ARHGEF17: variants seen among roughly 807,000 people sequenced by gnomAD.
ARHGEF17 encodes the protein Rho guanine nucleotide exchange factor 17, also known as 164 kDa Rho-specific guanine-nucleotide exchange factor.
ARHGEF17 carries 80 observed loss-of-function variants against 174.0 expected under a neutral mutation model. That is an observed-to-expected ratio of 0.46 (90% CI 0.38 to 0.55). The LOEUF (loss-of-function observed/expected upper bound fraction) is 0.55. Ranked by LOEUF, ARHGEF17 falls within the 20% of genes least tolerant of loss-of-function variation. The pLI is 0.00. For synonymous variants in ARHGEF17, 1,311 were observed against 1,189.1 expected (o/e 1.10, Z -2.11); for missense variants, 2,886 against 2,839.7 (o/e 1.02, Z -0.37).
intron 1 of ARHGEF17, among the ~76,000 whole-genome samples, chr11:73,322,465 T>C (rs1000123884): frequency 6.6e-6 from 1 of 152,234 alleles, no homozygotes; most frequent in African/African-American, 2.4e-5. Flanking sequence ...CACACAGTAG[T>C]GGACTAGAGC....
chr11:73,362,700 G>A lies in ARHGEF17; in HGVS notation c.4962G>A (p.Gln1654=), dbSNP rs769077461. The change falls in exon 14 of 21, where the codon CAG becomes CAA. Residue 1654 remains glutamine (Q), a synonymous_variant. Transcript: ENST00000263674. ...GCCCCTCGGGGACGCTGCAGAGCCA[G>A]GCCAGCCGGTCCACCATCTCCTCCA... is the stretch of plus-strand genomic sequence containing the variant. The part of the protein sequence containing the change: ...SPSPSGTLQS[Q]ASRSTISSSF... 17 of 1,606,970 alleles carry A rather than the reference G, an allele frequency of 1.1e-5. No homozygotes were observed. The highest frequency in any genetic ancestry group is 1.4e-5 in the Non-Finnish European group (17 of 1,177,924).
chr11:73,360,182 T>C lies in ARHGEF17; in HGVS notation c.4207-138T>C, dbSNP rs965863211. ...GGTGACAGAGGCCCCATCCCCCATA[T>C]ATCAAAGGAATCCAGGTCTGAGGGA... On this transcript the variant is annotated intron_variant, in intron 10 of 20. Transcript: ENST00000263674. The C allele has an allele frequency of 1.4e-5, 14 of 1,010,752 alleles. No homozygotes were observed. The African/African-American group carries it at 1.9e-4, about 14-fold the overall frequency. 62.6% of individuals were successfully genotyped at this position (1,010,752 alleles called of 1,614,324 possible). A position where few individuals can be genotyped will look rare whatever the true frequency, so the allele number is the denominator to read the frequency against.
intron 3 of ARHGEF17, 85 bp from the exon 4 acceptor site, chr11:73,355,448 G>T: frequency 1.2e-6 from 1 of 825,928 alleles, no homozygotes; most frequent in South Asian, 1.5e-5. Flanking sequence ...AAAAGATGGT[G>T]ACTCATGAAT....
chr11:73,322,170 C>T (rs542867563), intron 1 of ARHGEF17, among the ~76,000 whole-genome samples: 18 of 152,174 alleles, frequency 1.2e-4, no homozygotes, highest in South Asian at 2.1e-4. Context: ...ATAAAGGTCC[C>T]GATAGCTCCA....
chr11:73,367,565 T>A lies in ARHGEF17; in HGVS notation c.5996-19T>A, dbSNP rs56914296. 8.0e-4 allele frequency: 1,285 copies of A among 1,598,330 alleles called. 7 individuals carry two copies. The African/African-American group carries it at 0.014, about 18-fold the overall frequency. ...CTCCATTCGCCCCCAAGCTGACAGA[T>A]CCTCCCCTCTGCCCCCAGGCCCCGA... On this transcript the variant is annotated intron_variant, in intron 20 of 20. Coordinates refer to ENST00000263674, the MANE Select transcript of ARHGEF17 (RefSeq NM_014786.4).
At chr11:73,353,793 A>G (rs907620576) in intron 3 of ARHGEF17, among the ~76,000 whole-genome samples, 3 of 152,244 alleles carry the variant, frequency 2.0e-5, no homozygotes. Flanking sequence ...CAAAAAGAAC[A>G]TCGAAAGCAA....
chr11:73,356,491 C>A, intron 6 of ARHGEF17, 140 bp downstream of exon 6: 2 of 1,227,096 alleles, frequency 1.6e-6, no homozygotes, highest in Non-Finnish European at 2.3e-6. Context: ...TCCATGTCTG[C>A]CAGCCTCTGT....
intron 1 of ARHGEF17, among the ~76,000 whole-genome samples, chr11:73,337,476 T>C (rs1865305327): frequency 6.6e-6 from 1 of 152,022 alleles, no homozygotes; most frequent in Non-Finnish European, 1.5e-5. Flanking sequence ...TGAAGATGAT[T>C]ATGAGGAAAA....
Position 73,360,411 on chromosome 11 carries a change from C to T in ARHGEF17, c.4298C>T (p.Pro1433Leu), listed in dbSNP as rs775746696. 11 of 1,613,912 alleles carry T rather than the reference C, an allele frequency of 6.8e-6. No individual in the cohort carries two copies. The South Asian group carries it at 9.9e-5, about 14-fold the overall frequency. ...QALCYALSFP[P>L]TKLELCATRP... ...CTGTGCTACGCGCTTTCCTTCCCGCCAACCAAGCTGGAGCTGTGCGCCACT... is the reference window on the plus strand; with the variant it reads ...CTGTGCTACGCGCTTTCCTTCCCGCTAACCAAGCTGGAGCTGTGCGCCACT... The change falls in exon 11 of 21, where the codon CCA becomes CTA. Residue 1433 changes from proline (P) to leucine (L), a missense_variant. Coordinates refer to ENST00000263674, the MANE Select transcript of ARHGEF17 (RefSeq NM_014786.4).
rs200051892 is a variant in ARHGEF17, at chr11:73,309,052, C to T, written c.414C>T (p.Ser138=). ...EMRKLFGGPG[S]RRPSADSESP... is the part of the protein sequence containing the mutation. ...GCAAGCTCTTCGGCGGTCCTGGCTC[C>T]AGGAGGCCCAGCGCCGACTCTGAAT... The change falls in exon 1 of 21, where the codon TCC becomes TCT. Residue 138 remains serine (S), a synonymous_variant. Transcript: ENST00000263674. 5.4e-6 allele frequency: 8 copies of T among 1,486,800 alleles called. No individual in the cohort carries two copies. Among genetic ancestry groups the T allele is most frequent in the East Asian group, 5.7e-5 (2 of 35,316 alleles). The allele number at this position is 1,486,800 out of a possible 1,614,324, so 92.1% of individuals were successfully genotyped here.
chr11:73,346,257 C>A (rs184945081), intron 1 of ARHGEF17, among the ~76,000 whole-genome samples: 2 of 152,164 alleles, frequency 1.3e-5, no homozygotes, highest in Non-Finnish European at 2.9e-5. Flanking sequence ...CAGTGCCTGG[C>A]GCATAGGAGG....
At position 73,358,453 on chromosome 11, in the gene ARHGEF17, C is replaced by CTTTT. The variant is rs1172357794; in HGVS notation, c.4087+1146_4087+1149dup. Among the ~76,000 whole-genome samples, 127 of 93,272 alleles carry CTTTT rather than the reference C, an allele frequency of 1.4e-3. 1 individual carries two copies. The highest frequency in any genetic ancestry group is 2.9e-3 in the African/African-American group (59 of 20,290). 61.2% of individuals were successfully genotyped at this position (93,272 alleles called of 152,430 possible). A position where few individuals can be genotyped will look rare whatever the true frequency, so the allele number is the denominator to read the frequency against. On this transcript the variant is annotated intron_variant, in intron 9 of 20. Coordinates refer to ENST00000263674, the MANE Select transcript of ARHGEF17 (RefSeq NM_014786.4). Reference sequence around the variant, plus strand: ...CAGGTCACCTCCCAAAGGTCCGCCTCTTTTTTTTTTTTTTTTTTTTTTTGA... The same window carrying CTTTT: ...CAGGTCACCTCCCAAAGGTCCGCCTCTTTTTTTTTTTTTTTTTTTTTTTTTTTGA...
chr11:73,320,066 A>T (rs1864991166), intron 1 of ARHGEF17, among the ~76,000 whole-genome samples: 3 of 141,950 alleles, frequency 2.1e-5, no homozygotes. Context: ...CTGAGAGCCC[A>T]GCGGCAGAAG....
chr11:73,360,393 A>G lies in ARHGEF17; in HGVS notation c.4280A>G (p.Tyr1427Cys), dbSNP rs749048965. ...CTGTCGGAGAAGCAGGCGCTGTGCT[A>G]CGCGCTTTCCTTCCCGCCAACCAAG... is the stretch of plus-strand genomic sequence containing the variant. The part of the protein sequence containing the change: ...RDLSEKQALC[Y>C]ALSFPPTKLE... The change falls in exon 11 of 21, where the codon TAC becomes TGC. Residue 1427 changes from tyrosine (Y) to cysteine (C), a missense_variant. Tyr to Cys is a radical substitution (Grantham distance 194, BLOSUM62 -2). Around this residue, in one of 4 missense-constraint regions of ARHGEF17, gnomAD observed 476 missense variants for 473.1 expected, o/e 1.01. Coordinates refer to ENST00000263674, the MANE Select transcript of ARHGEF17 (RefSeq NM_014786.4). The G allele has an allele frequency of 3.7e-6, 6 of 1,613,886 alleles. No individual in the cohort carries two copies. The South Asian group carries it at 4.4e-5, about 12-fold the overall frequency.
Position 73,367,713 on chromosome 11 carries a change from G to C in ARHGEF17, c.6125G>C (p.Gly2042Ala). 1 of 1,614,134 alleles carries C rather than the reference G, an allele frequency of 6.2e-7. No homozygotes were observed. Among genetic ancestry groups the C allele is most frequent in the Non-Finnish European group, 8.5e-7 (1 of 1,180,020 alleles). ...GYEDFRLSSGGGSSSETVGRD... is the reference protein window; with the variant it reads ...GYEDFRLSSGAGSSSETVGRD... ...GAGGACTTCCGACTCAGCAGTGGGG[G>C]CGGCAGCAGCAGTGAGACTGTGGGT... The change falls in exon 21 of 21, where the codon GGC becomes GCC. Residue 2042 changes from glycine (G) to alanine (A), a missense_variant. Gly to Ala is a moderately conservative substitution (Grantham distance 60, BLOSUM62 0). Around this residue, in one of 4 missense-constraint regions of ARHGEF17, gnomAD observed 329 missense variants for 435.2 expected, o/e 0.76. Coordinates refer to ENST00000263674, the MANE Select transcript of ARHGEF17 (RefSeq NM_014786.4).
chr11:73,367,956 A>G lies in ARHGEF17; in HGVS notation c.*176A>G. The G allele has an allele frequency of 1.5e-6, 1 of 665,210 alleles. No homozygotes were observed. Among genetic ancestry groups the G allele is most frequent in the East Asian group, 2.8e-5 (1 of 35,198 alleles). The allele number at this position is 665,210 out of a possible 1,614,324, so 41.2% of individuals were successfully genotyped here. A position where few individuals can be genotyped will look rare whatever the true frequency, so the allele number is the denominator to read the frequency against. On this transcript the variant is annotated 3_prime_UTR_variant, in exon 21 of 21. Transcript: ENST00000263674. ...CTGATGGAACACCCACTGGCCAGCC[A>G]GGCCATGGCTTCTCCCGACCCTCTG...
Position 73,362,230 on chromosome 11 carries a change from G to A in ARHGEF17, c.4685G>A (p.Arg1562His), listed in dbSNP as rs970897906. The A allele has an allele frequency of 4.6e-5, 71 of 1,537,544 alleles. No individual in the cohort carries two copies. Among genetic ancestry groups the A allele is most frequent in the Non-Finnish European group, 6.2e-5 (71 of 1,146,560 alleles). The change falls in exon 13 of 21, where the codon CGC becomes CAC. Residue 1562 changes from arginine (R) to histidine (H), a missense_variant. Transcript: ENST00000263674. ...CIGAVPGLQP[R>H]CHREPPPSLR... ...GGGGCGGTGCCCGGGCTGCAGCCTC[G>A]CTGCCACCGGTGAGGCCTGGGCGGC...
chr11:73,321,546 G>A lies in ARHGEF17; in HGVS notation c.3192+9716G>A, dbSNP rs535474511. ...ACTCTGAGCCTTAGTTTACTGCTCT[G>A]TAAAATGGGGGCACTAAGGCGTTAT... On this transcript the variant is annotated intron_variant, in intron 1 of 20. Coordinates refer to ENST00000263674, the MANE Select transcript of ARHGEF17 (RefSeq NM_014786.4). Among the ~76,000 whole-genome samples the A allele has an allele frequency of 2.0e-5, 3 of 152,312 alleles. No individual in the cohort carries two copies. In the East Asian group the frequency reaches 5.8e-4, roughly 29 times the overall value.
chr11:73,351,070 G>A (rs922329560), intron 2 of ARHGEF17, among the ~76,000 whole-genome samples: 2 of 152,164 alleles, frequency 1.3e-5, no homozygotes, highest in East Asian at 1.9e-4. Context: ...TGAGGTGAGC[G>A]GTTTAGCTGC....
Sources: gnomAD v4.1 joint callset for allele counts (sites outside exome capture counted in the v4.1 genomes callset) on GRCh38, gnomAD v4.1.1 for gene constraint, gnomAD v4.1.1 regional missense constraint, MANE v1.5 for transcripts, NCBI Gene and HGNC (gene_info 2026-07-23, HGNC 2026-07-21) for gene names.